The following HS6ST2 variants were observed in gnomAD, a reference collection of about 807,000 sequenced individuals.
HS6ST2 encodes the protein heparan sulfate 6-O-sulfotransferase 2, also known as heparan-sulfate 6-O-sulfotransferase 2.
In HS6ST2, 17 loss-of-function variants were observed where a neutral mutation model predicts 33.0. The observed-to-expected ratio is 0.52, with a 90% CI of 0.35 to 0.77. The LOEUF (loss-of-function observed/expected upper bound fraction) is 0.77, where lower values mean the gene tolerates loss of function less well. Ranked by LOEUF, HS6ST2 falls within the 30% of genes least tolerant of loss-of-function variation. HS6ST2 has a pLI of 0.01. For missense variants in HS6ST2, 519 were observed against 551.7 expected, an observed-to-expected ratio of 0.94 and a Z score of 0.59; for synonymous variants, 248 against 237.1, an observed-to-expected ratio of 1.05 and a Z score of -0.42.
intron 2 of HS6ST2, among the ~76,000 whole-genome samples, chrX:132,909,168 T>C (rs2066507489): frequency 9.0e-6 from 1 of 111,347 alleles, no homozygotes; most frequent in Non-Finnish European, 1.9e-5. Context: ...ACCATATAAA[T>C]GTGATTTTCT....
chrX:132,877,375 C>T (rs139141931), intron 2 of HS6ST2, among the ~76,000 whole-genome samples: 4 of 112,284 alleles, frequency 3.6e-5, no homozygotes, highest in African/African-American at 6.5e-5. Flanking sequence ...AAGGTTTGCA[C>T]GTATATTCGT....
intron 2 of HS6ST2, among the ~76,000 whole-genome samples, chrX:132,708,805 G>A (rs1465162193): frequency 9.0e-6 from 1 of 110,939 alleles, no homozygotes; most frequent in African/African-American, 3.3e-5. Context: ...AGAGCAATGG[G>A]AATCTAGGTA....
At chrX:132,880,060 G>C (rs2066150097) in intron 2 of HS6ST2, among the ~76,000 whole-genome samples, 1 of 111,598 alleles carries the variant, frequency 9.0e-6, no homozygotes. Flanking sequence ...CTAGCGGCTG[G>C]CATCCAACTT....
intron 2 of HS6ST2, among the ~76,000 whole-genome samples, chrX:132,828,909 T>A (rs934569321): frequency 9.6e-5 from 10 of 103,734 alleles, no homozygotes; most frequent in African/African-American, 3.5e-4. Context: ...GCTGTACATA[T>A]ATTTTATATA....
At chrX:132,727,242 G>T (rs1485046836) in intron 2 of HS6ST2, among the ~76,000 whole-genome samples, 2 of 102,863 alleles carry the variant, frequency 1.9e-5, no homozygotes, top group African/African-American at 7.1e-5. Flanking sequence ...TTATTGGGGG[G>T]GGGGGCATAG....
At chrX:132,917,103 A>C (rs1257694780) in intron 2 of HS6ST2, among the ~76,000 whole-genome samples, 2 of 111,818 alleles carry the variant, frequency 1.8e-5, no homozygotes, top group African/African-American at 3.3e-5. Flanking sequence ...GCATCTTAGC[A>C]TCAAGAACAT....
intron 2 of HS6ST2, among the ~76,000 whole-genome samples, chrX:132,754,215 T>A (rs2064735661): frequency 9.0e-6 from 1 of 110,500 alleles, no homozygotes; most frequent in Non-Finnish European, 1.9e-5. Flanking sequence ...TTTCTGATGT[T>A]TTTCTCATAA....
intron 3 of HS6ST2, among the ~76,000 whole-genome samples, chrX:132,678,342 C>T (rs1237111720): frequency 6.3e-5 from 7 of 111,727 alleles, no homozygotes; most frequent in Non-Finnish European, 1.1e-4. Context: ...GGCAACAGAG[C>T]GAGACCTTGT....
chrX:132,632,589 C>T (rs1465395862), intron 4 of HS6ST2, among the ~76,000 whole-genome samples: 1 of 109,655 alleles, frequency 9.1e-6, no homozygotes, highest in Non-Finnish European at 1.9e-5. Context: ...TAATGTGTGC[C>T]TGGCACTATG....
intron 3 of HS6ST2, among the ~76,000 whole-genome samples, chrX:132,693,344 G>T (rs1386333793): frequency 2.7e-5 from 3 of 112,023 alleles, no homozygotes; most frequent in African/African-American, 9.8e-5. Context: ...TGCTGCAGAA[G>T]TGACCTTCAT....
At chrX:132,845,361 CTATG>C (rs1189103016) in intron 2 of HS6ST2, among the ~76,000 whole-genome samples, 2 of 110,688 alleles carry the variant, frequency 1.8e-5, no homozygotes, top group Non-Finnish European at 3.8e-5. Flanking sequence ...TCTAACATCT[CTATG>C]TATGATGAGA....
At chrX:132,791,546 C>T (rs1011717154) in intron 2 of HS6ST2, among the ~76,000 whole-genome samples, 1 of 111,839 alleles carries the variant, frequency 8.9e-6, no homozygotes, top group Non-Finnish European at 1.9e-5. Context: ...ATTTATAAAA[C>T]GAGCATTTTC....
At chrX:132,688,987 G>T (rs1268359576) in intron 3 of HS6ST2, among the ~76,000 whole-genome samples, 1 of 111,699 alleles carries the variant, frequency 9.0e-6, no homozygotes, top group East Asian at 2.8e-4. Context: ...CATAAGAAAT[G>T]ATTCATAGGT....
intron 2 of HS6ST2, among the ~76,000 whole-genome samples, chrX:132,832,911 T>C (rs1444147624): frequency 2.7e-5 from 3 of 111,507 alleles, no homozygotes; most frequent in Non-Finnish European, 5.6e-5. Context: ...ACAATCAATT[T>C]TGTAACATTT....
intron 2 of HS6ST2, among the ~76,000 whole-genome samples, chrX:132,716,134 CT>C (rs1377315677): frequency 9.0e-6 from 1 of 111,647 alleles, no homozygotes; most frequent in Admixed American, 9.5e-5. Flanking sequence ...AAACTGCCCC[CT>C]CCTCATCTCC....
chrX:132,947,485 GA>G (rs201737291), intron 2 of HS6ST2, among the ~76,000 whole-genome samples: 6 of 108,083 alleles, frequency 5.6e-5, no homozygotes, highest in Admixed American at 5.0e-4. Context: ...ATTGTTATCT[GA>G]AAAAAAAACT....
intron 2 of HS6ST2, among the ~76,000 whole-genome samples, chrX:132,806,263 C>G (rs1013036315): frequency 9.0e-6 from 1 of 110,605 alleles, no homozygotes; most frequent in Non-Finnish European, 1.9e-5. Flanking sequence ...TAAATTCTTT[C>G]TGATCCCTCG....
intron 2 of HS6ST2, among the ~76,000 whole-genome samples, chrX:132,900,654 A>G (rs941098249): frequency 3.6e-5 from 4 of 111,589 alleles, no homozygotes; most frequent in Non-Finnish European, 7.5e-5. Flanking sequence ...GAGGAAAATT[A>G]AAATATATTG....
intron 2 of HS6ST2, among the ~76,000 whole-genome samples, chrX:132,845,040 C>T (rs2065739004): frequency 9.3e-6 from 1 of 107,891 alleles, no homozygotes. Context: ...GGTTAAAACT[C>T]AAAGTTCTGG....
Sources: allele counts gnomAD v4.1 joint callset (sites outside exome capture counted in the v4.1 genomes callset), GRCh38; gene constraint gnomAD v4.1.1; transcripts MANE v1.5; gene names NCBI Gene and HGNC (gene_info 2026-07-23, HGNC 2026-07-21).